LYPD4: variants seen among roughly 807,000 people sequenced by gnomAD.
LYPD4 encodes LY6/PLAUR domain containing 4.
In LYPD4, 20 loss-of-function variants were observed where a neutral mutation model predicts 18.2. The observed-to-expected ratio is 1.10, with a 90% CI of 0.77 to 1.59. The LOEUF (loss-of-function observed/expected upper bound fraction) is 1.59. LYPD4 is among the 40% of genes most tolerant of loss of function. The pLI is 0.00. For synonymous variants in LYPD4, 111 were observed against 118.3 expected (o/e 0.94, Z 0.40); for missense variants, 278 against 300.3 (o/e 0.93, Z 0.55).
In LYPD4 at chr19:41,839,253, C is replaced by A; in HGVS notation, c.33G>T (p.Leu11=). 6.2e-7 allele frequency: 1 copy of A among 1,614,190 alleles called. No individual in the cohort carries two copies. The highest frequency in any genetic ancestry group is 1.7e-5 in the Admixed American group (1 of 60,022). The stretch of plus-strand genomic sequence containing the variant: ...TGGAGATGGCCCCTAGAAGGCAGAA[C>A]AGCTGCACAAGTCTCAAATGCTGGG... MGPQHLRLVQ[L]FCLLGAISTL... The change falls in exon 2 of 5, where the codon CTG becomes CTT. Residue 11 remains leucine (L), a synonymous_variant. Coordinates refer to ENST00000609812, the MANE Select transcript of LYPD4 (RefSeq NM_173506.7).
chr19:41,839,069 T>C, intron 2 of LYPD4, 45 bp from the exon 3 acceptor site: 1 of 1,611,272 alleles, frequency 6.2e-7, no homozygotes, highest in South Asian at 1.1e-5. Flanking sequence ...TCATATCATC[T>C]TCTGAGCCCG....
chr19:41,837,055 T>G (rs1403184322), downstream of LYPD4: 4 of 1,583,376 alleles, frequency 2.5e-6, no homozygotes, highest in Admixed American at 7.0e-5. Context: ...TGCTCTCTCA[T>G]GGACCACAGG....
rs2073495688 is a variant in LYPD4, at chr19:41,839,287, G to A, written c.-2C>T. 5 of 1,614,126 alleles carry A rather than the reference G, an allele frequency of 3.1e-6. No homozygotes were observed. Among genetic ancestry groups the A allele is most frequent in the Non-Finnish European group, 4.2e-6 (5 of 1,179,992 alleles). ...AAGTCTCAAATGCTGGGGTCCCATG[G>A]CCCTGTGTCTGGGTCCTGGGTGCTA... On this transcript the variant is annotated 5_prime_UTR_variant, in exon 2 of 5. Transcript: ENST00000609812.
intron 1 of LYPD4, among the ~76,000 whole-genome samples, chr19:41,840,926 C>A (rs782230311): frequency 4.0e-5 from 6 of 151,786 alleles, no homozygotes; most frequent in Non-Finnish European, 7.4e-5. Flanking sequence ...ATACATGTAT[C>A]AGGAAATGTG....
chr19:41,835,091 C>T (rs2073359192), downstream of LYPD4: 1 of 152,064 alleles, frequency 6.6e-6, no homozygotes. Context: ...CAAATCTAAA[C>T]AATATTTATT....
chr19:41,841,665 C>CAAA (rs587607752), intron 1 of LYPD4, among the ~76,000 whole-genome samples: 1 of 85,552 alleles, frequency 1.2e-5, no homozygotes, highest in Non-Finnish European at 2.3e-5. Context: ...GACCCTGTCT[C>CAAA]AAAAAAAAAA....
At chr19:41,841,665 CAAAA>C (rs587607752) in intron 1 of LYPD4, among the ~76,000 whole-genome samples, 1 of 85,550 alleles carries the variant, frequency 1.2e-5, no homozygotes, top group Non-Finnish European at 2.3e-5. Context: ...GACCCTGTCT[CAAAA>C]AAAAAAAAAA....
chr19:41,836,090 T>TCA (rs55892959), downstream of LYPD4: 63,627 of 147,080 alleles, frequency 0.43, 14,559 homozygotes, highest in Middle Eastern at 0.56. Flanking sequence ...AAACTCTGTC[T>TCA]CACACACACA....
At position 41,837,296 on chromosome 19, in the gene LYPD4, G is replaced by T; in HGVS notation, c.588C>A (p.Asn196Lys). The change falls in exon 5 of 5, where the codon AAC (asparagine) becomes AAA (lysine). Residue 196 changes from asparagine to lysine, a missense_variant. Coordinates refer to ENST00000609812, the MANE Select transcript of LYPD4 (RefSeq NM_173506.7). ...TATGATGAAAATCTGCTAAAAGCTG[G>T]TTATGTTCACGAGCACACCCCATGA... The part of the protein sequence containing the change: ...FLLMGCAREH[N>K]QLLADFHHIG... 1 of 1,614,038 alleles carries T rather than the reference G, an allele frequency of 6.2e-7. No homozygotes were observed. The highest frequency in any genetic ancestry group is 1.1e-5 in the South Asian group (1 of 91,082).
At chr19:41,836,577 TACTC>T (rs2073377300), downstream of LYPD4, among the ~76,000 whole-genome samples, 1 of 151,970 alleles carries the variant, frequency 6.6e-6, no homozygotes, top group Non-Finnish European at 1.5e-5. Flanking sequence ...ACATAGTAGA[TACTC>T]AGTAAGTAAT....
At position 41,838,959 on chromosome 19, in the gene LYPD4, A is replaced by T; in HGVS notation, c.133T>A (p.Trp45Arg). 2 of 1,613,992 alleles carry T rather than the reference A, an allele frequency of 1.2e-6. No individual in the cohort carries two copies. The highest frequency in any genetic ancestry group is 1.7e-6 in the Non-Finnish European group (2 of 1,180,014). The change falls in exon 3 of 5, where the codon TGG (tryptophan) becomes AGG (arginine). Residue 45 changes from tryptophan to arginine, a missense_variant. Physicochemically the swap from Trp to Arg is moderately radical, Grantham distance 101 (BLOSUM62 -3). Transcript: ENST00000609812. ...ATGTTCCTCATCAGAAGCCACTTCC[A>T]GTTATGGAAAGCAACAGCTCTGAAT... ...SRFRAVAFHN[W>R]KWLLMRNMVC...
chr19:41,842,707 G>A (rs2073635499), intron 1 of LYPD4, among the ~76,000 whole-genome samples: 1 of 132,086 alleles, frequency 7.6e-6, no homozygotes, highest in Non-Finnish European at 1.5e-5. Context: ...GGTGCAGTAA[G>A]CCAAGATCAC....
rs782366023 is a variant in LYPD4 at position 41,839,004 on chromosome 19, A to T, written c.88T>A (p.Tyr30Asn). ...CTGAATCTTGAGGCTGTTGCTTCAT[A>T]GCACAAAAGAGCTCCAGCCCCTAAA... ...TLPRAGALLC[Y>N]EATASRFRAV... The change falls in exon 3 of 5, where the codon TAT becomes AAT. Residue 30 changes from tyrosine (Y) to asparagine (N), a missense_variant. Transcript: ENST00000609812. 6.2e-7 allele frequency: 1 copy of T among 1,613,804 alleles called. No individual in the cohort carries two copies. The highest frequency in any genetic ancestry group is 1.7e-5 in the Admixed American group (1 of 59,982).
chr19:41,836,287 C>CAAAA (rs531204341), downstream of LYPD4, among the ~76,000 whole-genome samples: 119 of 19,934 alleles, frequency 6.0e-3, 25 homozygotes, highest in African/African-American at 7.5e-3. Flanking sequence ...GCCAACTTAC[C>CAAAA]AAAAAAAAAA....
chr19:41,838,778 GTAACTATGTGGAATTC>G lies in LYPD4; in HGVS notation c.211+87_211+102del. The G allele has an allele frequency of 3.3e-6, 3 of 900,246 alleles. No homozygotes were observed. The South Asian group carries it at 5.0e-5, about 15-fold the overall frequency. 55.8% of individuals were successfully genotyped at this position (900,246 alleles called of 1,614,324 possible). A position where few individuals can be genotyped will look rare whatever the true frequency, so the allele number is the denominator to read the frequency against. ...ATATACATATATATATATATGTATA[GTAACTATGTGGAATTC>G]TAATCTACAGTCCCTCGGTGCTGGG... On this transcript the variant is annotated intron_variant, in intron 3 of 4. Transcript: ENST00000609812.
At chr19:41,840,165 T>C (rs543134877) in intron 1 of LYPD4, among the ~76,000 whole-genome samples, 5 of 150,878 alleles carry the variant, frequency 3.3e-5, no homozygotes, top group Admixed American at 6.6e-5. Context: ...CACACACACA[T>C]AAGTGCATGT....
intron 4 of LYPD4, 97 bp downstream of exon 4, chr19:41,837,838 C>T (rs1314229741): frequency 1.5e-6 from 2 of 1,307,184 alleles, no homozygotes; most frequent in Non-Finnish European, 2.1e-6. Flanking sequence ...ACCCCAATCC[C>T]ATCTCTGGAT....
Position 41,843,073 on chromosome 19 carries a change from AAAAACC to A in LYPD4, c.-121+499_-121+504del, listed in dbSNP as rs2073691262. Among the ~76,000 whole-genome samples the A allele has an allele frequency of 4.8e-5, 2 of 41,458 alleles. 1 individual carries two copies. Among genetic ancestry groups the A allele is most frequent in the African/African-American group, 1.7e-4 (2 of 11,698 alleles). The allele number at this position is 41,458 out of a possible 152,430, so 27.2% of individuals were successfully genotyped here. On this transcript the variant is annotated intron_variant, in intron 1 of 4. Coordinates refer to ENST00000609812, the MANE Select transcript of LYPD4 (RefSeq NM_173506.7). The stretch of plus-strand genomic sequence containing the variant: ...AAAAAAAAAAAAAAAAAAAAAAAAA[AAAAACC>A]CCAACAACAACACTACACACATCCT...
At chr19:41,843,028 T>C (rs1346268593) in intron 1 of LYPD4, among the ~76,000 whole-genome samples, 4 of 59,324 alleles carry the variant, frequency 6.7e-5, no homozygotes, top group African/African-American at 2.2e-4. Context: ...CAAAACCCCA[T>C]CGCTAAAAAA....
Sources: allele counts gnomAD v4.1 joint callset (sites outside exome capture counted in the v4.1 genomes callset), GRCh38; gene constraint gnomAD v4.1.1; transcripts MANE v1.5; gene names NCBI Gene and HGNC (gene_info 2026-07-23, HGNC 2026-07-21).